The following ADGB variants were observed in gnomAD, a reference collection of about 807,000 sequenced individuals.
The protein encoded by ADGB is androglobin.
A neutral mutation model predicts 210.5 loss-of-function variants in ADGB; 172 were observed. That is an observed-to-expected ratio of 0.82 (90% CI 0.72 to 0.93). ADGB has a LOEUF of 0.93. Ranked by LOEUF, ADGB falls within the 40% of genes least tolerant of loss-of-function variation. The pLI, the probability that ADGB is intolerant of heterozygous loss-of-function variation, is 0.00. For missense variants in ADGB, 2,025 were observed against 1,964.8 expected (o/e 1.03, Z -0.58); for synonymous variants, 658 against 662.7 (o/e 0.99, Z 0.11).
At chr6:146,771,537 A>T (rs99338) in intron 29 of ADGB, among the ~76,000 whole-genome samples, 71,768 of 151,936 alleles carry the variant, frequency 0.47, 18,059 homozygotes, top group Admixed American at 0.59. Context: ...AAAATCTCTT[A>T]GCTCATACCG....
At chr6:146,605,748 G>A (rs1244377255) in intron 1 of ADGB, among the ~76,000 whole-genome samples, 7 of 152,202 alleles carry the variant, frequency 4.6e-5, no homozygotes, top group Admixed American at 2.6e-4. Context: ...TGTAAAAAAC[G>A]TAGCAAAATT....
At chr6:146,690,302 A>C (rs1047174156) in intron 10 of ADGB, among the ~76,000 whole-genome samples, 3 of 152,312 alleles carry the variant, frequency 2.0e-5, no homozygotes, top group South Asian at 2.1e-4. Flanking sequence ...GAAATCATTG[A>C]GACAACATAA....
intron 35 of ADGB, among the ~76,000 whole-genome samples, chr6:146,804,616 T>C (rs1778183643): frequency 6.6e-6 from 1 of 152,184 alleles, no homozygotes; most frequent in African/African-American, 2.4e-5. Flanking sequence ...CGACTCTACC[T>C]TGAAAATATA....
chr6:146,809,394 G>C (rs1344108396), intron 35 of ADGB, among the ~76,000 whole-genome samples: 2 of 152,000 alleles, frequency 1.3e-5, no homozygotes, highest in Non-Finnish European at 1.5e-5. Flanking sequence ...TAGTAGAGAC[G>C]GGGGTTTCAC....
chr6:146,599,114 A>G lies in ADGB; in HGVS notation c.74A>G (p.Asp25Gly). ...GCGCACGGATCGGATAAATCGAAAG[A>G]GTAAGGGACCTCTGCCTGTCCGTCC... ...NSAHGSDKSK[D>G]FYPFGSNVQS... Residue 25 changes from aspartate (D) to glycine (G), a missense_variant and splice_region_variant, in exon 1 of 36, where the codon GAT becomes GGT. Coordinates refer to ENST00000397944, the MANE Select transcript of ADGB (RefSeq NM_024694.4). 6.4e-7 allele frequency: 1 copy of G among 1,551,490 alleles called. No homozygotes were observed. The highest frequency in any genetic ancestry group is 8.7e-7 in the Non-Finnish European group (1 of 1,146,758).
chr6:146,770,747 G>A lies in ADGB; in HGVS notation c.3862+1616G>A, dbSNP rs937065161. The A allele has an allele frequency of 2.5e-5, 9 of 362,760 alleles. No homozygotes were observed. In the East Asian group the frequency reaches 7.1e-4, roughly 29 times the overall value. The allele number at this position is 362,760 out of a possible 1,614,324, so 22.5% of individuals were successfully genotyped here. A position where few individuals can be genotyped will look rare whatever the true frequency, so the allele number is the denominator to read the frequency against. On this transcript the variant is annotated intron_variant, in intron 29 of 35. Coordinates refer to ENST00000397944, the MANE Select transcript of ADGB (RefSeq NM_024694.4). Reference sequence around the variant, plus strand: ...CAGGAAGAGAAAGTGGTAGCACTGGGGCCACAGAGTCGCCGCCTCTTTGCT... The same window carrying A: ...CAGGAAGAGAAAGTGGTAGCACTGGAGCCACAGAGTCGCCGCCTCTTTGCT...
intron 25 of ADGB, among the ~76,000 whole-genome samples, chr6:146,743,512 G>C (rs1370572462): frequency 6.6e-6 from 1 of 152,198 alleles, no homozygotes; most frequent in Admixed American, 6.5e-5. Flanking sequence ...GAACATTCCA[G>C]CTCCACTTAA....
chr6:146,696,773 G>A (rs1325624900), intron 12 of ADGB, among the ~76,000 whole-genome samples: 4 of 152,188 alleles, frequency 2.6e-5, no homozygotes, highest in African/African-American at 7.2e-5. Context: ...TAAAGGTGGT[G>A]ATAAGAAACT....
chr6:146,699,298 GGAAGCTGATGGTGTAACTCTCAGTCT>G (rs1776454169), intron 12 of ADGB, among the ~76,000 whole-genome samples: 1 of 152,130 alleles, frequency 6.6e-6, no homozygotes. Flanking sequence ...TCAGAACCCA[GGAAGCTGATGGTGTAACTCTCAGTCT>G]GAAGACAAAG....
chr6:146,771,380 GA>G lies in ADGB; in HGVS notation c.3862+2260del, dbSNP rs546999436. On this transcript the variant is annotated intron_variant, in intron 29 of 35. Transcript: ENST00000397944. ...CACCAAGTTCTAATGGAAAATAAAT[GA>G]AAAAAAAAAATCAGTTGTTTATGTT... 4.7e-3 allele frequency among the ~76,000 whole-genome samples: 685 copies of G among 146,858 alleles called. 5 individuals are homozygous for G. Among genetic ancestry groups the G allele is most frequent in the African/African-American group, 0.013 (537 of 40,184 alleles).
chr6:146,741,043 C>A, intron 24 of ADGB, 75 bp from the exon 25 acceptor site: 1 of 1,216,004 alleles, frequency 8.2e-7, no homozygotes, highest in Non-Finnish European at 1.1e-6. Flanking sequence ...AAAAAAATTT[C>A]TTGGCATTAA....
intron 30 of ADGB, 88 bp downstream of exon 30, chr6:146,782,280 C>T (rs259405): frequency 0.78 from 961,838 of 1,230,774 alleles, 377,110 homozygotes; most frequent in Admixed American, 0.86. Flanking sequence ...AGGACAAAAC[C>T]GTGAAACATT....
chr6:146,707,270 A>AG (rs1195052239), intron 13 of ADGB, among the ~76,000 whole-genome samples: 1 of 152,162 alleles, frequency 6.6e-6, no homozygotes, highest in Non-Finnish European at 1.5e-5. Context: ...AATATCCTGG[A>AG]GAATGTTCCT....
chr6:146,764,337 G>A (rs562368447), intron 28 of ADGB, among the ~76,000 whole-genome samples: 1 of 152,166 alleles, frequency 6.6e-6, no homozygotes, highest in East Asian at 1.9e-4. Flanking sequence ...ATATGTACAT[G>A]AACTCTATAA....
intron 18 of ADGB, 173 bp from the exon 19 acceptor site, chr6:146,725,910 T>C (rs1289449006): frequency 8.4e-6 from 4 of 476,794 alleles, no homozygotes; most frequent in Non-Finnish European, 1.1e-5. Flanking sequence ...CATGATCCCG[T>C]AGGGTTCTTA....
chr6:146,804,426 C>T (rs1171834022), intron 35 of ADGB, among the ~76,000 whole-genome samples: 2 of 152,110 alleles, frequency 1.3e-5, no homozygotes, highest in Non-Finnish European at 2.9e-5. Flanking sequence ...AACAGAACCT[C>T]TCTAAATCCA....
chr6:146,769,137 TC>T lies in ADGB; in HGVS notation c.3862+7del. The T allele has an allele frequency of 1.4e-6, 2 of 1,438,432 alleles. No homozygotes were observed. Among genetic ancestry groups the T allele is most frequent in the Non-Finnish European group, 1.9e-6 (2 of 1,051,618 alleles). 89.1% of individuals were successfully genotyped at this position (1,438,432 alleles called of 1,614,324 possible). ...AAAGAAAAGTAATACCAAAGGTATG[TC>T]ACCCTAAATGTTTAAACATGCACTT... On this transcript the variant is annotated splice_region_variant and intron_variant, in intron 29 of 35. Coordinates refer to ENST00000397944, the MANE Select transcript of ADGB (RefSeq NM_024694.4).
chr6:146,758,286 G>A (rs1055406066), intron 27 of ADGB, among the ~76,000 whole-genome samples: 12 of 151,846 alleles, frequency 7.9e-5, no homozygotes, highest in African/African-American at 1.5e-4. Flanking sequence ...ATTTTACACC[G>A]GTATTATAGT....
At chr6:146,770,604 C>T (rs1326164957) in intron 29 of ADGB, 1 of 470,178 alleles carries the variant, frequency 2.1e-6, no homozygotes, top group Non-Finnish European at 4.4e-6. Flanking sequence ...ACACCAGTGA[C>T]CTCAGGTATG....
Sources: allele counts gnomAD v4.1 joint callset (sites outside exome capture counted in the v4.1 genomes callset), GRCh38; gene constraint gnomAD v4.1.1; transcripts MANE v1.5; gene names NCBI Gene and HGNC (gene_info 2026-07-23, HGNC 2026-07-21).